Variants in CLNK observed in about 807,000 individuals in gnomAD.
CLNK encodes cytokine-dependent hematopoietic cell linker.
Under a neutral mutation model 68.6 loss-of-function variants are expected in CLNK, and 74 were observed. The ratio of observed to expected loss-of-function variants is 1.08; its 90% CI spans 0.89 to 1.31. The LOEUF (loss-of-function observed/expected upper bound fraction) is 1.31. CLNK is among the 50% of genes most tolerant of loss of function. The pLI is 0.00. For synonymous variants in CLNK, 198 were observed against 172.2 expected (o/e 1.15, Z -1.17); for missense variants, 553 against 515.3 (o/e 1.07, Z -0.71).
chr4:10,549,352 C>T (rs1719358091), intron 8 of CLNK, among the ~76,000 whole-genome samples: 1 of 152,028 alleles, frequency 6.6e-6, no homozygotes, highest in South Asian at 2.1e-4. Context: ...CAGATAAATT[C>T]CAGAAAGCTT....
chr4:10,699,512 A>ATATATTTTTTTTTT, the CLNK span, among the ~76,000 whole-genome samples: 3 of 32,734 alleles, frequency 9.2e-5, no homozygotes, highest in Non-Finnish European at 1.7e-4. Context: ...ATATATATAT[A>ATATATTTTTTTTTT]TTTTTTTTTT....
chr4:10,646,134 A>G (rs1723501582), intron 2 of CLNK, among the ~76,000 whole-genome samples: 1 of 152,214 alleles, frequency 6.6e-6, no homozygotes, highest in Admixed American at 6.5e-5. Context: ...TTAAATTTCA[A>G]TTTGAGTGTG....
At chr4:10,523,953 A>T in intron 14 of CLNK, 1 of 390,408 alleles carries the variant, frequency 2.6e-6, no homozygotes, top group Non-Finnish European at 5.2e-6. Flanking sequence ...TGAGCCCGGG[A>T]GGTCAAGGCT....
chr4:10,665,499 A>G (rs1376380385), intron 2 of CLNK, among the ~76,000 whole-genome samples: 1 of 152,038 alleles, frequency 6.6e-6, no homozygotes, highest in Non-Finnish European at 1.5e-5. Context: ...CCCTGTCTCT[A>G]CTAAAAATAG....
chr4:10,551,721 T>C (rs1010546227), intron 8 of CLNK, among the ~76,000 whole-genome samples: 1 of 152,218 alleles, frequency 6.6e-6, no homozygotes, highest in African/African-American at 2.4e-5. Flanking sequence ...AACAACTAAA[T>C]AGCCAGCCCT....
At chr4:10,695,373 C>A in the CLNK span, among the ~76,000 whole-genome samples, 10 of 151,950 alleles carry the variant, frequency 6.6e-5, no homozygotes, top group African/African-American at 2.4e-4. Context: ...TATTTGTCAA[C>A]TAAAAATAAA....
chr4:10,543,229 G>A (rs372697985), intron 8 of CLNK, among the ~76,000 whole-genome samples: 1 of 152,086 alleles, frequency 6.6e-6, no homozygotes. Flanking sequence ...TGAATATGTG[G>A]GACACTTAAG....
At chr4:10,651,479 A>G (rs1560262864) in intron 2 of CLNK, among the ~76,000 whole-genome samples, 1 of 152,230 alleles carries the variant, frequency 6.6e-6, no homozygotes, top group Non-Finnish European at 1.5e-5. Context: ...GTTCTCACTC[A>G]TAAGTGGGAA....
At chr4:10,563,015 A>G (rs1339547778) in intron 7 of CLNK, among the ~76,000 whole-genome samples, 2 of 152,212 alleles carry the variant, frequency 1.3e-5, no homozygotes, top group African/African-American at 4.8e-5. Context: ...TTTAGCTTCA[A>G]TCACTGCTGT....
At chr4:10,533,432 A>G (rs1022317438) in intron 11 of CLNK, among the ~76,000 whole-genome samples, 1 of 152,210 alleles carries the variant, frequency 6.6e-6, no homozygotes, top group African/African-American at 2.4e-5. Flanking sequence ...GGGAGTATTA[A>G]GTGTGCAACA....
chr4:10,619,583 G>T (rs1346530339), intron 2 of CLNK, among the ~76,000 whole-genome samples: 1 of 152,134 alleles, frequency 6.6e-6, no homozygotes, highest in Admixed American at 6.5e-5. Flanking sequence ...GTTTGTGTGT[G>T]CAGGAGGGGT....
intron 2 of CLNK, among the ~76,000 whole-genome samples, chr4:10,643,519 CA>C (rs1320206294): frequency 2.0e-5 from 3 of 152,188 alleles, no homozygotes; most frequent in African/African-American, 7.2e-5. Context: ...CCTGCTTCCA[CA>C]AGGATAGGTG....
At chr4:10,543,185 A>G (rs1434616441) in intron 8 of CLNK, among the ~76,000 whole-genome samples, 1 of 152,188 alleles carries the variant, frequency 6.6e-6, no homozygotes, top group African/African-American at 2.4e-5. Flanking sequence ...ACAATCTGAT[A>G]AGGATGTCAA....
upstream of CLNK, among the ~76,000 whole-genome samples, chr4:10,687,200 A>T (rs1335775332): frequency 7.7e-6 from 1 of 129,646 alleles, no homozygotes; most frequent in Non-Finnish European, 1.7e-5. Context: ...GGGGATATAG[A>T]GGTGAAAAAA....
At chr4:10,623,652 A>C (rs181285021) in intron 2 of CLNK, among the ~76,000 whole-genome samples, 1 of 152,404 alleles carries the variant, frequency 6.6e-6, no homozygotes, top group East Asian at 1.9e-4. Context: ...ACAATATCTA[A>C]AGTAAGTTTT....
the CLNK span, among the ~76,000 whole-genome samples, chr4:10,730,859 G>C: frequency 7.9e-5 from 12 of 151,972 alleles, no homozygotes; most frequent in African/African-American, 2.2e-4. Flanking sequence ...ACCATCTCAA[G>C]CATGGAATTC....
chr4:10,697,100 C>A, the CLNK span: 1 of 152,306 alleles, frequency 6.6e-6, no homozygotes, highest in Middle Eastern at 3.4e-3. Context: ...CACCCCTCAA[C>A]CTTTCTACAT....
intron 2 of CLNK, among the ~76,000 whole-genome samples, chr4:10,602,634 G>C (rs1400159736): frequency 3.3e-5 from 5 of 152,188 alleles, no homozygotes; most frequent in African/African-American, 9.7e-5. Flanking sequence ...CTCCAGAACG[G>C]TGAGAGTAAA....
At chr4:10,656,595 A>C (rs1349916335) in intron 2 of CLNK, 2 of 152,164 alleles carry the variant, frequency 1.3e-5, no homozygotes, top group African/African-American at 4.8e-5. Flanking sequence ...ACATAGGCAC[A>C]CTTGTGGGTA....
Sources: allele counts gnomAD v4.1 joint callset (sites outside exome capture counted in the v4.1 genomes callset), GRCh38; gene constraint gnomAD v4.1.1; transcripts MANE v1.5; gene names NCBI Gene and HGNC (gene_info 2026-07-23, HGNC 2026-07-21).